Variants in ARHGAP26 observed in about 807,000 individuals in gnomAD.
The protein encoded by ARHGAP26 is Rho GTPase activating protein 26, also known as rho GTPase-activating protein 26.
ARHGAP26 carries 38 observed loss-of-function variants against 104.8 expected under a neutral mutation model. The ratio of observed to expected loss-of-function variants is 0.36; its 90% CI spans 0.28 to 0.48. The LOEUF is 0.48. Ranked by LOEUF, ARHGAP26 falls within the 20% of genes least tolerant of loss-of-function variation. The probability of loss-of-function intolerance (pLI) is 0.99; values close to 1 mark genes in which losing one functional copy is unlikely to be tolerated. For synonymous variants in ARHGAP26, 341 were observed against 340.0 expected (o/e 1.00, Z -0.03); for missense variants, 704 against 947.9 (o/e 0.74, Z 3.38).
chr5:143,047,280 C>T (rs1410741797), intron 14 of ARHGAP26, among the ~76,000 whole-genome samples: 6 of 152,152 alleles, frequency 3.9e-5, no homozygotes, highest in African/African-American at 1.4e-4. Flanking sequence ...GTTACAGTTC[C>T]ACCGCTTATT....
At chr5:142,984,763 T>C (rs966041618) in intron 11 of ARHGAP26, among the ~76,000 whole-genome samples, 1 of 152,208 alleles carries the variant, frequency 6.6e-6, no homozygotes, top group African/African-American at 2.4e-5. Context: ...ATCATTCATG[T>C]GTTTGTGGTG....
At chr5:143,148,433 A>G (rs929939318) in intron 20 of ARHGAP26, among the ~76,000 whole-genome samples, 2 of 152,302 alleles carry the variant, frequency 1.3e-5, no homozygotes, top group Middle Eastern at 3.4e-3. Flanking sequence ...GCTTGGGAGG[A>G]GAGATGACTC....
At chr5:142,949,657 C>T (rs1413870672) in intron 11 of ARHGAP26, among the ~76,000 whole-genome samples, 3 of 151,962 alleles carry the variant, frequency 2.0e-5, no homozygotes, top group Admixed American at 6.6e-5. Context: ...AGGATTGGTA[C>T]AAGCAGAGGA....
In ARHGAP26 at chr5:143,226,436, A is replaced by C. The variant is rs1811681365; in HGVS notation, c.*3990A>C. 5.7e-6 allele frequency: 1 copy of C among 175,528 alleles called. No individual in the cohort carries two copies. Among genetic ancestry groups the C allele is most frequent in the Non-Finnish European group, 1.2e-5 (1 of 82,352 alleles). 10.9% of individuals were successfully genotyped at this position (175,528 alleles called of 1,614,324 possible). ...GCAGAGATTGCAGTGAGCCAAGATC[A>C]CGCCCCTGCACTCCAGCCTGGGTGA... On this transcript the variant is annotated 3_prime_UTR_variant, in exon 23 of 23. Coordinates refer to ENST00000645722, the MANE Select transcript of ARHGAP26 (RefSeq NM_001135608.3).
At chr5:143,059,928 A>C (rs1335470116) in intron 17 of ARHGAP26, among the ~76,000 whole-genome samples, 1 of 152,188 alleles carries the variant, frequency 6.6e-6, no homozygotes, top group Non-Finnish European at 1.5e-5. Context: ...CTATATTTAA[A>C]ATGTCCCTGT....
rs529139834 is a variant in ARHGAP26, at chr5:142,924,745, G to A, written c.1029-7302G>A. Among the ~76,000 whole-genome samples the A allele has an allele frequency of 1.6e-4, 25 of 152,342 alleles. No homozygotes were observed. The South Asian group carries it at 2.9e-3, about 18-fold the overall frequency. The stretch of plus-strand genomic sequence containing the variant: ...ACATCAGAGCACGCATAGTAGTGCA[G>A]ATTCATATGTTCTGTCTCCAAATAG... On this transcript the variant is annotated intron_variant, in intron 10 of 22. Transcript: ENST00000645722.
chr5:142,877,130 TC>T (rs1339162872), intron 3 of ARHGAP26, among the ~76,000 whole-genome samples: 34 of 152,208 alleles, frequency 2.2e-4, no homozygotes, highest in Admixed American at 1.3e-3. Flanking sequence ...ATTATACTTT[TC>T]AGCTTGCCTC....
chr5:142,825,368 A>G (rs1458543462), intron 1 of ARHGAP26, among the ~76,000 whole-genome samples: 1 of 152,156 alleles, frequency 6.6e-6, no homozygotes, highest in Admixed American at 6.5e-5. Flanking sequence ...GCCCCCTTCC[A>G]TCCACTGTTG....
chr5:142,977,400 G>T (rs1281288721), intron 11 of ARHGAP26, among the ~76,000 whole-genome samples: 1 of 152,006 alleles, frequency 6.6e-6, no homozygotes, highest in Non-Finnish European at 1.5e-5. Context: ...CACACAGAGG[G>T]CCATCAATTA....
At chr5:143,142,224 C>A (rs947449757) in intron 19 of ARHGAP26, among the ~76,000 whole-genome samples, 3 of 141,742 alleles carry the variant, frequency 2.1e-5, no homozygotes, top group Non-Finnish European at 3.0e-5. Context: ...CTGCAACCTT[C>A]GCCTCCCGGG....
At chr5:143,188,216 G>T (rs1017622769) in intron 20 of ARHGAP26, among the ~76,000 whole-genome samples, 1 of 152,156 alleles carries the variant, frequency 6.6e-6, no homozygotes, top group Admixed American at 6.5e-5. Flanking sequence ...AGTACAATAC[G>T]TGGGGGCATT....
intron 1 of ARHGAP26, among the ~76,000 whole-genome samples, chr5:142,804,000 A>G (rs542177759): frequency 2.4e-4 from 37 of 152,314 alleles, no homozygotes; most frequent in African/African-American, 7.9e-4. Flanking sequence ...CCTTAACAGC[A>G]GCCCTGTGAA....
intron 17 of ARHGAP26, among the ~76,000 whole-genome samples, chr5:143,071,683 A>AC (rs1463126991): frequency 6.6e-6 from 1 of 151,902 alleles, no homozygotes; most frequent in African/African-American, 2.4e-5. Flanking sequence ...TGAGGCGGGC[A>AC]GATTGCCTGA....
At chr5:142,822,777 A>G (rs1338574397) in intron 1 of ARHGAP26, among the ~76,000 whole-genome samples, 1 of 152,156 alleles carries the variant, frequency 6.6e-6, no homozygotes. Context: ...AACCTTGGAC[A>G]TTATATTGGT....
At chr5:143,072,807 A>G (rs540332795) in intron 17 of ARHGAP26, among the ~76,000 whole-genome samples, 1 of 152,280 alleles carries the variant, frequency 6.6e-6, no homozygotes, top group African/African-American at 2.4e-5. Flanking sequence ...GATTTGTTAA[A>G]GATACAAAAT....
chr5:142,854,823 G>A (rs1405218246), intron 1 of ARHGAP26, among the ~76,000 whole-genome samples: 1 of 152,172 alleles, frequency 6.6e-6, no homozygotes, highest in Non-Finnish European at 1.5e-5. Context: ...CAGCTGCTTT[G>A]TAGGAGGTTA....
chr5:143,072,740 G>A (rs1478487103), intron 17 of ARHGAP26, among the ~76,000 whole-genome samples: 1 of 152,118 alleles, frequency 6.6e-6, no homozygotes, highest in Non-Finnish European at 1.5e-5. Context: ...GAAGTAAAAA[G>A]TGAAAAAAGA....
At chr5:142,840,131 G>C (rs1405641813) in intron 1 of ARHGAP26, among the ~76,000 whole-genome samples, 1 of 152,280 alleles carries the variant, frequency 6.6e-6, no homozygotes, top group African/African-American at 2.4e-5. Flanking sequence ...TCTGCCACAC[G>C]TTTTGACTCT....
At chr5:142,789,697 T>C (rs1759397839) in intron 1 of ARHGAP26, among the ~76,000 whole-genome samples, 1 of 152,214 alleles carries the variant, frequency 6.6e-6, no homozygotes, top group Non-Finnish European at 1.5e-5. Context: ...CACTAGAAGT[T>C]TACATTTCCT....
Sources: allele counts gnomAD v4.1 joint callset (sites outside exome capture counted in the v4.1 genomes callset), GRCh38; gene constraint gnomAD v4.1.1; transcripts MANE v1.5; gene names NCBI Gene and HGNC (gene_info 2026-07-23, HGNC 2026-07-21).